The following BMAL2 variants were observed in gnomAD, a reference collection of about 807,000 sequenced individuals.
BMAL2 encodes the protein basic helix-loop-helix ARNT like 2, also known as basic helix-loop-helix ARNT-like protein 2.
At chr12:27,382,907 T>C in the BMAL2 span, among the ~76,000 whole-genome samples, 1 of 152,120 alleles carries the variant, frequency 6.6e-6, no homozygotes, top group Non-Finnish European at 1.5e-5. Flanking sequence ...TATGGAAAAA[T>C]GATCATGGGT....
At chr12:27,337,353 A>G in the BMAL2 span, among the ~76,000 whole-genome samples, 17 of 152,198 alleles carry the variant, frequency 1.1e-4, no homozygotes, top group Non-Finnish European at 2.2e-4. Flanking sequence ...ACTTTATCAT[A>G]TTTTCCAAGC....
the BMAL2 span, chr12:27,402,608 T>C: frequency 1.9e-5 from 30 of 1,608,114 alleles, no homozygotes; most frequent in East Asian, 2.2e-4. Context: ...CTATGGTGTT[T>C]TTAATTCTAG....
At chr12:27,358,396 A>T in the BMAL2 span, among the ~76,000 whole-genome samples, 1 of 152,186 alleles carries the variant, frequency 6.6e-6, no homozygotes, top group African/African-American at 2.4e-5. Flanking sequence ...AAAATAATAG[A>T]TGTTGGCAGG....
chr12:27,396,284 A>G, the BMAL2 span, among the ~76,000 whole-genome samples: 1 of 152,228 alleles, frequency 6.6e-6, no homozygotes, highest in African/African-American at 2.4e-5. Flanking sequence ...AGCTATTTGC[A>G]GCTCAGAAAG....
At chr12:27,375,637 T>G in the BMAL2 span, among the ~76,000 whole-genome samples, 1 of 152,206 alleles carries the variant, frequency 6.6e-6, no homozygotes. Flanking sequence ...GCATTATGGG[T>G]GCTTTTCCTG....
chr12:27,335,542 T>G, the BMAL2 span, among the ~76,000 whole-genome samples: 1 of 152,210 alleles, frequency 6.6e-6, no homozygotes, highest in African/African-American at 2.4e-5. Context: ...TGGTTTAAAT[T>G]TACTTTGTGA....
chr12:27,404,203 AT>A, the BMAL2 span, among the ~76,000 whole-genome samples: 2 of 138,794 alleles, frequency 1.4e-5, no homozygotes, highest in Admixed American at 7.1e-5. Context: ...AAAAAAAAAA[AT>A]ACCACCATGC....
the BMAL2 span, among the ~76,000 whole-genome samples, chr12:27,401,947 T>G: frequency 1.3e-5 from 2 of 152,240 alleles, no homozygotes; most frequent in Non-Finnish European, 2.9e-5. Context: ...CTACCCTCCA[T>G]GGCCATTCAG....
the BMAL2 span, among the ~76,000 whole-genome samples, chr12:27,347,490 C>T: frequency 4.6e-5 from 7 of 152,288 alleles, no homozygotes; most frequent in East Asian, 1.4e-3. Context: ...GCCCTCAGCT[C>T]AGCATCTTGT....
At chr12:27,397,812 T>C in the BMAL2 span, among the ~76,000 whole-genome samples, 2 of 152,228 alleles carry the variant, frequency 1.3e-5, no homozygotes, top group African/African-American at 4.8e-5. Flanking sequence ...GTTTCTTAAA[T>C]TTATCTTCAT....
chr12:27,371,507 G>A, the BMAL2 span, among the ~76,000 whole-genome samples: 1 of 152,182 alleles, frequency 6.6e-6, no homozygotes, highest in South Asian at 2.1e-4. Context: ...AGCAGAGGGT[G>A]CACTTAGAGG....
chr12:27,402,819 C>A, the BMAL2 span: 1 of 713,706 alleles, frequency 1.4e-6, no homozygotes, highest in African/African-American at 1.8e-5. Context: ...GGAATCCCAA[C>A]TTTGGTTTAG....
chr12:27,368,150 G>GTTTTTTTTTTTTTTTTTTTTTTTT, the BMAL2 span: 1 of 1,364,640 alleles, frequency 7.3e-7, no homozygotes, highest in Non-Finnish European at 1.0e-6. Context: ...GCCTTAGCTG[G>GTTTTTTTTTTTTTTTTTTTTTTTT]TATTTTTTAA....
At chr12:27,408,126 A>G in the BMAL2 span, among the ~76,000 whole-genome samples, 2 of 152,188 alleles carry the variant, frequency 1.3e-5, no homozygotes, top group African/African-American at 4.8e-5. Context: ...AAAAAAGTCC[A>G]GGACCAGATG....
chr12:27,346,283 C>T, the BMAL2 span, among the ~76,000 whole-genome samples: 2 of 152,036 alleles, frequency 1.3e-5, no homozygotes, highest in East Asian at 3.9e-4. Context: ...TGTTTTGAGG[C>T]GGAGTCTCAC....
At chr12:27,374,198 G>GTA in the BMAL2 span, among the ~76,000 whole-genome samples, 1 of 151,602 alleles carries the variant, frequency 6.6e-6, no homozygotes, top group Non-Finnish European at 1.5e-5. Context: ...TTGAAGTAAT[G>GTA]TATATATACA....
At chr12:27,396,052 A>G in the BMAL2 span, among the ~76,000 whole-genome samples, 4 of 152,328 alleles carry the variant, frequency 2.6e-5, no homozygotes, top group African/African-American at 9.6e-5. Context: ...GTGTGACTGT[A>G]TTCGTAGTTA....
the BMAL2 span, among the ~76,000 whole-genome samples, chr12:27,350,445 T>G: frequency 6.6e-6 from 1 of 152,196 alleles, no homozygotes; most frequent in East Asian, 1.9e-4. Context: ...TGCATTTGAT[T>G]AGAAACTCCC....
At chr12:27,342,225 A>G in the BMAL2 span, among the ~76,000 whole-genome samples, 2 of 152,352 alleles carry the variant, frequency 1.3e-5, no homozygotes, top group East Asian at 3.9e-4. Context: ...GGCATGAGCC[A>G]CTGCACCCAG....
Sources: gnomAD v4.1 joint callset for allele counts (sites outside exome capture counted in the v4.1 genomes callset) on GRCh38, gnomAD v4.1.1 for gene constraint, MANE v1.5 for transcripts, NCBI Gene and HGNC (gene_info 2026-07-23, HGNC 2026-07-21) for gene names.